The following GPM6A variants were observed in gnomAD, a reference collection of about 807,000 sequenced individuals.
GPM6A encodes the protein neuronal membrane glycoprotein M6-a.
In GPM6A, 7 loss-of-function variants were observed where a neutral mutation model predicts 32.1. That is an observed-to-expected ratio of 0.22 (90% CI 0.12 to 0.41). The LOEUF (loss-of-function observed/expected upper bound fraction) is 0.41. GPM6A is among the 10% of genes least tolerant of loss of function. The probability of loss-of-function intolerance (pLI) is 1.00; values close to 1 mark genes in which losing one functional copy is unlikely to be tolerated. For missense variants in GPM6A, 235 were observed against 347.2 expected (o/e 0.68, Z 2.57); for synonymous variants, 130 against 123.4 (o/e 1.05, Z -0.35).
At chr4:175,923,703 A>C (rs1738744019) in intron 1 of GPM6A, among the ~76,000 whole-genome samples, 1 of 151,778 alleles carries the variant, frequency 6.6e-6, no homozygotes, top group Non-Finnish European at 1.5e-5. Context: ...ACAGGCATGC[A>C]CCACCATGCC....
At chr4:175,912,596 A>C (rs148818351) in intron 1 of GPM6A, among the ~76,000 whole-genome samples, 1 of 152,218 alleles carries the variant, frequency 6.6e-6, no homozygotes, top group East Asian at 1.9e-4. Flanking sequence ...CAGAGGTTGC[A>C]GTAAGCCAAG....
chr4:175,936,313 A>AAAAAAAC (rs1739229064), intron 1 of GPM6A, among the ~76,000 whole-genome samples: 1 of 147,838 alleles, frequency 6.8e-6, no homozygotes, highest in African/African-American at 2.4e-5. Flanking sequence ...CTCCAAAAAA[A>AAAAAAAC]AAAAAAAAAA....
chr4:175,938,806 TATC>T lies in GPM6A; in HGVS notation c.-23+63500_-23+63502del, dbSNP rs533664340. On this transcript the variant is annotated intron_variant, in intron 1 of 7. Coordinates refer to the GPM6A transcript ENST00000280187. Reference sequence around the variant, plus strand: ...CCAAGTACCCTGGCTTTACTGGCTTTATCATTACACATTCTATGCATGGAACAA... The same window carrying T: ...CCAAGTACCCTGGCTTTACTGGCTTTATTACACATTCTATGCATGGAACAA... Among the ~76,000 whole-genome samples, 370 of 152,064 alleles carry T rather than the reference TATC, an allele frequency of 2.4e-3. 2 individuals carry two copies. Among genetic ancestry groups the T allele is most frequent in the Admixed American group, 3.7e-3 (56 of 15,280 alleles).
intron 1 of GPM6A, among the ~76,000 whole-genome samples, chr4:175,909,049 G>GA (rs1554000502): frequency 1.2e-5 from 1 of 81,764 alleles, no homozygotes; most frequent in Non-Finnish European, 2.3e-5. Flanking sequence ...GGGCGGGGGG[G>GA]GGGCAACTAG....
chr4:175,997,391 C>T (rs1344477142), intron 1 of GPM6A, among the ~76,000 whole-genome samples: 1 of 152,150 alleles, frequency 6.6e-6, no homozygotes, highest in Middle Eastern at 3.4e-3. Context: ...AAAGTATTAT[C>T]CAGTACTCTA....
intron 1 of GPM6A, among the ~76,000 whole-genome samples, chr4:175,953,179 T>C (rs200151813): frequency 9.5e-6 from 1 of 105,264 alleles, no homozygotes; most frequent in East Asian, 2.5e-4. Context: ...ATAAAACAAA[T>C]AAAGAAATCA....
At chr4:175,788,421 G>C (rs532991551) in intron 1 of GPM6A, among the ~76,000 whole-genome samples, 2 of 152,096 alleles carry the variant, frequency 1.3e-5, no homozygotes, top group Non-Finnish European at 2.9e-5. Flanking sequence ...TATTCAGTCT[G>C]TTTTATTAAT....
At chr4:175,911,476 CT>C (rs1738313679) in intron 1 of GPM6A, among the ~76,000 whole-genome samples, 1 of 152,108 alleles carries the variant, frequency 6.6e-6, no homozygotes, top group Non-Finnish European at 1.5e-5. Context: ...TTTTAGCACT[CT>C]GTGTAAAAGG....
At chr4:175,862,657 T>C (rs749091908) in intron 1 of GPM6A, among the ~76,000 whole-genome samples, 3 of 152,142 alleles carry the variant, frequency 2.0e-5, no homozygotes, top group Non-Finnish European at 4.4e-5. Context: ...ATGTTCAGCT[T>C]TAGTAACCAA....
At chr4:175,865,171 G>T (rs371353757) in intron 1 of GPM6A, among the ~76,000 whole-genome samples, 1 of 152,018 alleles carries the variant, frequency 6.6e-6, no homozygotes, top group South Asian at 2.1e-4. Flanking sequence ...TGTGGATATC[G>T]TTTTAGCACA....
At chr4:175,812,301 GTTTTTTTTTTTTTTT>G (rs70962418), upstream of GPM6A, 9 of 793,064 alleles carry the variant, frequency 1.1e-5, no homozygotes, top group East Asian at 3.5e-4. Context: ...AAAACTGGGG[GTTTTTTTTTTTTTTT>G]TTTTTTTTTT....
At chr4:175,838,090 A>AAC (rs763166079) in intron 1 of GPM6A, among the ~76,000 whole-genome samples, 13,120 of 114,448 alleles carry the variant, frequency 0.11, 1,017 homozygotes, top group African/African-American at 0.25. Flanking sequence ...CCTTGGTTAA[A>AAC]ACACACACAC....
intron 1 of GPM6A, among the ~76,000 whole-genome samples, chr4:175,888,075 T>A (rs1033383172): frequency 1.3e-5 from 2 of 151,952 alleles, no homozygotes; most frequent in Admixed American, 6.6e-5. Context: ...ACTAAAATTT[T>A]AAAATCTAAT....
At chr4:175,757,408 C>G (rs1000054139) in intron 1 of GPM6A, among the ~76,000 whole-genome samples, 3 of 152,078 alleles carry the variant, frequency 2.0e-5, no homozygotes, top group African/African-American at 7.2e-5. Context: ...ACCGTCTAGC[C>G]AAGCCACTCC....
chr4:175,907,423 G>A (rs1738165190), intron 1 of GPM6A: 1 of 152,118 alleles, frequency 6.6e-6, no homozygotes, highest in African/African-American at 2.4e-5. Flanking sequence ...AAATGAGCTT[G>A]CATCTACATC....
chr4:175,844,148 T>C (rs1248251686), intron 1 of GPM6A, among the ~76,000 whole-genome samples: 1 of 152,228 alleles, frequency 6.6e-6, no homozygotes, highest in Non-Finnish European at 1.5e-5. Context: ...CTCTTCACTA[T>C]GGCAATAGTC....
At chr4:175,871,337 G>A (rs1736901091) in intron 1 of GPM6A, among the ~76,000 whole-genome samples, 1 of 152,064 alleles carries the variant, frequency 6.6e-6, no homozygotes, top group African/African-American at 2.4e-5. Flanking sequence ...GGATGTGGTA[G>A]TGGATGCCTG....
intron 1 of GPM6A, among the ~76,000 whole-genome samples, chr4:175,854,483 C>T (rs1736357417): frequency 6.6e-6 from 1 of 152,054 alleles, no homozygotes; most frequent in South Asian, 2.1e-4. Context: ...TACCTTTATA[C>T]CTGAAACAAC....
intron 1 of GPM6A, among the ~76,000 whole-genome samples, chr4:175,795,334 C>G (rs975242907): frequency 6.6e-6 from 1 of 152,126 alleles, no homozygotes; most frequent in East Asian, 1.9e-4. Flanking sequence ...TAATCCCTTC[C>G]GAGTAGCATT....
Sources: gnomAD v4.1 joint callset for allele counts (sites outside exome capture counted in the v4.1 genomes callset) on GRCh38, gnomAD v4.1.1 for gene constraint, MANE v1.5 for transcripts, NCBI Gene and HGNC (gene_info 2026-07-23, HGNC 2026-07-21) for gene names.